Variants in ANKRD30BL observed in about 807,000 individuals in gnomAD.
ANKRD30BL encodes ankyrin repeat domain 30B like, also known as putative ankyrin repeat domain-containing protein 30B-like.
Under a neutral mutation model 18.4 loss-of-function variants are expected in ANKRD30BL, and 20 were observed. That is an observed-to-expected ratio of 1.09 (90% CI 0.77 to 1.58). The LOEUF (loss-of-function observed/expected upper bound fraction) is 1.58. Ranked by LOEUF, ANKRD30BL falls within the 40% of genes most tolerant of loss-of-function variation. ANKRD30BL has a pLI of 0.00. For missense variants in ANKRD30BL, 224 were observed against 268.6 expected (o/e 0.83, Z 1.16); for synonymous variants, 72 against 100.9 (o/e 0.71, Z 1.72).
chr2:132,256,640 C>A (rs1680849442), intron 1 of ANKRD30BL, among the ~76,000 whole-genome samples: 1 of 152,196 alleles, frequency 6.6e-6, no homozygotes, highest in South Asian at 2.1e-4. Flanking sequence ...CCGCCACTGT[C>A]GCGGCCAGCC....
intron 1 of ANKRD30BL, among the ~76,000 whole-genome samples, chr2:132,211,495 A>G (rs1438584168): frequency 6.6e-6 from 1 of 152,090 alleles, no homozygotes; most frequent in East Asian, 1.9e-4. Flanking sequence ...CAGTTTTTAA[A>G]CACTCTTTTT....
intron 1 of ANKRD30BL, among the ~76,000 whole-genome samples, chr2:132,199,319 C>T (rs1316688465): frequency 1.3e-5 from 2 of 152,078 alleles, no homozygotes; most frequent in African/African-American, 4.8e-5. Flanking sequence ...AAGGATGCGC[C>T]ACTGCACTGC....
chr2:132,224,023 G>A (rs1044865337), intron 1 of ANKRD30BL, among the ~76,000 whole-genome samples: 233 of 149,692 alleles, frequency 1.6e-3, no homozygotes, highest in Non-Finnish European at 2.6e-3. Context: ...TACATTCAAC[G>A]CACAGAGTTG....
At chr2:132,160,401 C>CTTTTTTTTTT (rs33924872) in intron 1 of ANKRD30BL, among the ~76,000 whole-genome samples, 5 of 97,586 alleles carry the variant, frequency 5.1e-5, no homozygotes, top group African/African-American at 2.2e-4. Flanking sequence ...ACGCCTGGCC[C>CTTTTTTTTTT]TTTTTTTTTT....
At chr2:132,232,624 A>T (rs1253966380) in intron 1 of ANKRD30BL, among the ~76,000 whole-genome samples, 3 of 152,104 alleles carry the variant, frequency 2.0e-5, no homozygotes, top group African/African-American at 4.8e-5. Context: ...GCGAGAAGGG[A>T]AGTTTAGAGA....
intron 1 of ANKRD30BL, among the ~76,000 whole-genome samples, chr2:132,254,207 C>T (rs73957367): frequency 0.053 from 7,948 of 151,164 alleles, 665 homozygotes; most frequent in African/African-American, 0.18. Flanking sequence ...CTCTCCCTCC[C>T]GAGTTCTCTG....
intron 1 of ANKRD30BL, among the ~76,000 whole-genome samples, chr2:132,159,569 C>A (rs1276375526): frequency 6.6e-6 from 1 of 152,150 alleles, no homozygotes; most frequent in Non-Finnish European, 1.5e-5. Context: ...TTTAGATCTG[C>A]AATTTATATC....
In ANKRD30BL at chr2:132,176,385, AG is replaced by A. The variant is rs574785666; in HGVS notation, n.442-19240del. On this transcript the variant is annotated intron_variant and non_coding_transcript_variant, in intron 1 of 4. Coordinates refer to the ANKRD30BL transcript ENST00000470729. ...TCTACTAAAAATACAAAAATTAGCC[AG>A]GCATGGTGGCACATGCCTGTAATCT... Among the ~76,000 whole-genome samples, 197 of 152,230 alleles carry A rather than the reference AG, an allele frequency of 1.3e-3. 2 individuals are homozygous for A. The highest frequency in any genetic ancestry group is 4.3e-3 in the African/African-American group (179 of 41,548).
chr2:132,158,858 A>T (rs1233487642), intron 1 of ANKRD30BL, among the ~76,000 whole-genome samples: 2 of 151,610 alleles, frequency 1.3e-5, no homozygotes, highest in Admixed American at 6.6e-5. Flanking sequence ...ACAGGTAAAA[A>T]GATTGTCTTT....
At chr2:132,242,189 G>A (rs562006361) in intron 1 of ANKRD30BL, among the ~76,000 whole-genome samples, 31 of 151,762 alleles carry the variant, frequency 2.0e-4, no homozygotes, top group South Asian at 1.5e-3. Context: ...CGTTGGAAAC[G>A]GGAATACCTT....
At chr2:132,172,328 A>G (rs1274448751) in intron 1 of ANKRD30BL, among the ~76,000 whole-genome samples, 1 of 152,166 alleles carries the variant, frequency 6.6e-6, no homozygotes, top group Non-Finnish European at 1.5e-5. Context: ...ACCATTTTAC[A>G]TTCCCACCAG....
intron 1 of ANKRD30BL, among the ~76,000 whole-genome samples, chr2:132,235,614 A>T (rs892597270): frequency 1.4e-3 from 207 of 152,264 alleles, no homozygotes; most frequent in African/African-American, 4.7e-3. Context: ...TAAAATACCT[A>T]GGAATCCAAC....
intron 1 of ANKRD30BL, among the ~76,000 whole-genome samples, chr2:132,231,059 C>A (rs1679996393): frequency 6.6e-6 from 1 of 151,498 alleles, no homozygotes; most frequent in Non-Finnish European, 1.5e-5. Flanking sequence ...GGGAGTTGAA[C>A]CTTTATTTTG....
intron 1 of ANKRD30BL, among the ~76,000 whole-genome samples, chr2:132,192,621 G>A (rs1336884142): frequency 2.3e-4 from 34 of 150,028 alleles, no homozygotes; most frequent in African/African-American, 5.0e-4. Context: ...CAAGATGAGA[G>A]CAAGTGGATA....
intron 1 of ANKRD30BL, among the ~76,000 whole-genome samples, chr2:132,206,682 G>T (rs889039442): frequency 4.6e-5 from 7 of 152,202 alleles, no homozygotes; most frequent in African/African-American, 7.2e-5. Flanking sequence ...CACGGGCCAG[G>T]ATTCTGCATT....
At chr2:132,252,600 G>A (rs1680685084) in intron 1 of ANKRD30BL, among the ~76,000 whole-genome samples, 1 of 151,698 alleles carries the variant, frequency 6.6e-6, no homozygotes, top group African/African-American at 2.4e-5. Flanking sequence ...TGGGGAGGAG[G>A]GGCACTGGAG....
chr2:132,220,887 G>T lies in ANKRD30BL; in HGVS notation n.441+36642C>A, dbSNP rs540568661. Among the ~76,000 whole-genome samples the T allele has an allele frequency of 3.6e-3, 549 of 151,392 alleles. 6 individuals carry two copies. The highest frequency in any genetic ancestry group is 0.013 in the African/African-American group (525 of 41,280). On this transcript the variant is annotated intron_variant and non_coding_transcript_variant, in intron 1 of 4. Coordinates refer to the ANKRD30BL transcript ENST00000470729. ...CCAGTCTGGAAAGTCAGGAGCCTCTGCCCGGCCGCCATCCCATCTAGGAAG... is the reference window on the plus strand; with the variant it reads ...CCAGTCTGGAAAGTCAGGAGCCTCTTCCCGGCCGCCATCCCATCTAGGAAG...
At chr2:132,165,005 C>T (rs1261157898), upstream of ANKRD30BL, among the ~76,000 whole-genome samples, 2 of 151,896 alleles carry the variant, frequency 1.3e-5, no homozygotes, top group African/African-American at 2.4e-5. Flanking sequence ...ATCCGGGTTG[C>T]GGAGCTTGCA....
At chr2:132,149,631 A>G (rs956388715) in intron 5 of ANKRD30BL, among the ~76,000 whole-genome samples, 2 of 152,168 alleles carry the variant, frequency 1.3e-5, no homozygotes, top group Admixed American at 1.3e-4. Flanking sequence ...CAAATTCTAA[A>G]GATAGTTACT....
Sources: allele counts gnomAD v4.1 joint callset (sites outside exome capture counted in the v4.1 genomes callset), GRCh38; gene constraint gnomAD v4.1.1; transcripts MANE v1.5; gene names NCBI Gene and HGNC (gene_info 2026-07-23, HGNC 2026-07-21).